The following FGL1 variants were observed in gnomAD, a reference collection of about 807,000 sequenced individuals.
The protein encoded by FGL1 is fibrinogen-like protein 1.
Under a neutral mutation model 43.7 loss-of-function variants are expected in FGL1, and 59 were observed. That is an observed-to-expected ratio of 1.35 (90% CI 1.10 to 1.68). The LOEUF (loss-of-function observed/expected upper bound fraction) is 1.68. FGL1 is among the 40% of genes most tolerant of loss of function. The pLI is 0.00. For synonymous variants in FGL1, 192 were observed against 126.5 expected, an observed-to-expected ratio of 1.52 and a Z score of -3.48; for missense variants, 596 against 373.0, an observed-to-expected ratio of 1.60 and a Z score of -4.92.
At chr8:17,875,584 T>C (rs1170301805) in intron 3 of FGL1, among the ~76,000 whole-genome samples, 93 of 46,952 alleles carry the variant, frequency 2.0e-3, no homozygotes, top group African/African-American at 4.9e-3. Context: ...TTTCTTTCTT[T>C]CTTTCTTTCT....
chr8:17,864,722 T>A lies in FGL1; in HGVS notation c.809A>T (p.Tyr270Phe). The A allele has an allele frequency of 6.3e-7, 1 of 1,590,532 alleles. No individual in the cohort carries two copies. Among genetic ancestry groups the A allele is most frequent in the Non-Finnish European group, 8.5e-7 (1 of 1,171,412 alleles). ...TTTAGCCGTGTAGGGGCCGCTGTAG[T>A]ATACACCATTCAGGTTTGCAGAGTG... is the stretch of plus-strand genomic sequence containing the variant. Reference protein sequence around the residue: ...RCHSANLNGVYYSGPYTAKTD... With the variant: ...RCHSANLNGVFYSGPYTAKTD... Residue 270 changes from tyrosine to phenylalanine, a missense_variant, in exon 8 of 8, where the codon TAC (tyrosine) becomes TTC (phenylalanine). By Grantham distance (22) the Tyr-to-Phe change is conservative (BLOSUM62 3). Coordinates refer to ENST00000427924, the MANE Select transcript of FGL1 (RefSeq NM_004467.4).
intron 3 of FGL1, among the ~76,000 whole-genome samples, chr8:17,875,082 G>A (rs1302792152): frequency 6.6e-6 from 1 of 152,182 alleles, no homozygotes; most frequent in African/African-American, 2.4e-5. Flanking sequence ...AAGCAGAAAT[G>A]TTAACACCAA....
At chr8:17,882,441 G>C (rs926641126) in intron 2 of FGL1, 1 of 305,660 alleles carries the variant, frequency 3.3e-6, no homozygotes, top group Admixed American at 4.8e-5. Context: ...GAGCTTTATA[G>C]TTGTCTCCTT....
intron 1 of FGL1, among the ~76,000 whole-genome samples, chr8:17,887,548 T>A (rs913821323): frequency 6.6e-6 from 1 of 152,104 alleles, no homozygotes; most frequent in African/African-American, 2.4e-5. Flanking sequence ...CCCAACACTG[T>A]GAACAAAATA....
At chr8:17,893,338 A>T (rs1314964151) in intron 1 of FGL1, among the ~76,000 whole-genome samples, 1 of 151,884 alleles carries the variant, frequency 6.6e-6, no homozygotes, top group Non-Finnish European at 1.5e-5. Context: ...GCACCTATAT[A>T]TCATATAATT....
rs200414846 is a variant in FGL1 at position 17,882,177 on chromosome 8, C to G, written c.66G>C (p.Ala22=). The G allele has an allele frequency of 6.2e-7, 1 of 1,612,008 alleles. No homozygotes were observed. The highest frequency in any genetic ancestry group is 8.5e-7 in the Non-Finnish European group (1 of 1,179,384). ...TALTMGREIS[A]LEDCAQEQMR... ...TCTGCTCCTGGGCACAGTCCTCGAG[C>G]GCCTGCAAAACAGGTGAGATGAGAT... Residue 22 remains alanine, a splice_region_variant and synonymous_variant, in exon 3 of 8, where the codon GCG becomes GCC. Transcript: ENST00000427924.
rs769616084 is a variant in FGL1, at chr8:17,874,490, C to T, written c.276G>A (p.Lys92=). The change falls in exon 4 of 8, where the codon AAG becomes AAA. Residue 92 remains lysine, a synonymous_variant. Coordinates refer to ENST00000427924, the MANE Select transcript of FGL1 (RefSeq NM_004467.4). ...DCSEIFNDGY[K]LSGFYKIKPL... is the part of the protein sequence containing the mutation. ...GTTTGATTTTGTAAAATCCACTGAG[C>T]TTATACCCATCATTGAAAATCTCTG... 6.2e-7 allele frequency: 1 copy of T among 1,610,014 alleles called. No individual in the cohort carries two copies. Among genetic ancestry groups the T allele is most frequent in the African/African-American group, 1.3e-5 (1 of 74,642 alleles).
In FGL1 at chr8:17,871,201, T is replaced by C. The variant is rs947082488; in HGVS notation, c.503-2197A>G. 5.3e-5 allele frequency among the ~76,000 whole-genome samples: 8 copies of C among 152,202 alleles called. No individual in the cohort carries two copies. In the East Asian group the frequency reaches 1.5e-3, roughly 29 times the overall value. ...GCTAAGTCAACTGTCTTTAAAAATA[T>C]TCTATTACAGACGAGATGCGGTGGT... On this transcript the variant is annotated intron_variant, in intron 5 of 7. Coordinates refer to ENST00000427924, the MANE Select transcript of FGL1 (RefSeq NM_004467.4).
At chr8:17,886,866 G>A (rs939564718) in intron 1 of FGL1, among the ~76,000 whole-genome samples, 1 of 152,056 alleles carries the variant, frequency 6.6e-6, no homozygotes, top group Non-Finnish European at 1.5e-5. Context: ...CATGAGAAGC[G>A]AGAGAAGTCA....
intron 7 of FGL1, among the ~76,000 whole-genome samples, chr8:17,866,124 T>C (rs924105042): frequency 6.6e-6 from 1 of 152,208 alleles, no homozygotes; most frequent in South Asian, 2.1e-4. Context: ...ATTTGGTCTA[T>C]CATTTGAATC....
At chr8:17,895,225 C>T in intron 1 of FGL1, 1 of 860,504 alleles carries the variant, frequency 1.2e-6, no homozygotes, top group Non-Finnish European at 1.4e-6. Context: ...TCTAACATAC[C>T]TTATTTGTAT....
At chr8:17,892,915 C>T (rs374624204) in intron 1 of FGL1, among the ~76,000 whole-genome samples, 12 of 152,044 alleles carry the variant, frequency 7.9e-5, no homozygotes, top group Admixed American at 6.6e-4. Flanking sequence ...AAAGTTAGAG[C>T]TTAGCCAGGC....
rs564476986 is a variant in FGL1, at chr8:17,874,028, T to C, written c.493A>G (p.Thr165Ala). 2.2e-5 allele frequency: 35 copies of C among 1,608,420 alleles called. No individual in the cohort carries two copies. In the South Asian group the frequency reaches 3.6e-4, roughly 16 times the overall value. Reference sequence around the variant, plus strand: ...ATCATTCAAACCTTACCTTGAGTGGTCAAGAAGTGAAGATTTTTATTGCCC... The same window carrying C: ...ATCATTCAAACCTTACCTTGAGTGGCCAAGAAGTGAAGATTTTTATTGCCC... Reference protein sequence around the residue: ...WLGNKNLHFLTTQEDYTLKID... With the variant: ...WLGNKNLHFLATQEDYTLKID... Residue 165 changes from threonine to alanine, a missense_variant, in exon 5 of 8, where the codon ACC becomes GCC. Physicochemically the swap from Thr to Ala is moderately conservative, Grantham distance 58 (BLOSUM62 0). Transcript: ENST00000427924.
intron 1 of FGL1, among the ~76,000 whole-genome samples, chr8:17,889,114 G>C (rs2053669225): frequency 6.6e-6 from 1 of 152,154 alleles, no homozygotes; most frequent in South Asian, 2.1e-4. Context: ...ATGTACCTCT[G>C]CAAGGCTGCA....
intron 3 of FGL1, among the ~76,000 whole-genome samples, chr8:17,881,068 CAAGGA>C (rs1162531359): frequency 6.6e-6 from 1 of 151,606 alleles, no homozygotes; most frequent in Non-Finnish European, 1.5e-5. Context: ...ATACATGCAA[CAAGGA>C]AAGATACACA....
intron 3 of FGL1, among the ~76,000 whole-genome samples, chr8:17,879,748 C>G (rs954261906): frequency 1.3e-5 from 2 of 151,604 alleles, no homozygotes; most frequent in African/African-American, 4.9e-5. Context: ...TATAAACGAC[C>G]CAGCCTCATT....
chr8:17,883,415 A>C (rs1438868270), intron 2 of FGL1, among the ~76,000 whole-genome samples: 1 of 61,152 alleles, frequency 1.6e-5, no homozygotes, highest in Admixed American at 1.9e-4. Flanking sequence ...ATATATTACA[A>C]AATATATAAT....
At chr8:17,881,638 C>T (rs893593390) in intron 3 of FGL1, among the ~76,000 whole-genome samples, 1 of 151,270 alleles carries the variant, frequency 6.6e-6, no homozygotes, top group Non-Finnish European at 1.5e-5. Flanking sequence ...TCGAGACCAT[C>T]CTGGCTAACA....
intron 1 of FGL1, among the ~76,000 whole-genome samples, chr8:17,892,586 T>A (rs751231403): frequency 6.6e-6 from 1 of 152,188 alleles, no homozygotes; most frequent in African/African-American, 2.4e-5. Flanking sequence ...TGACTCCAAC[T>A]CAAATTGTTC....
Sources: allele counts gnomAD v4.1 joint callset (sites outside exome capture counted in the v4.1 genomes callset), GRCh38; gene constraint gnomAD v4.1.1; transcripts MANE v1.5; gene names NCBI Gene and HGNC (gene_info 2026-07-23, HGNC 2026-07-21).